The following TIMELESS variants were observed in gnomAD, a reference collection of about 807,000 sequenced individuals.
TIMELESS encodes protein timeless homolog.
Under a neutral mutation model 164.3 loss-of-function variants are expected in TIMELESS, and 124 were observed. The observed-to-expected ratio is 0.75, with a 90% CI of 0.65 to 0.88. The LOEUF (loss-of-function observed/expected upper bound fraction) is 0.88. Among genes scored for constraint, TIMELESS ranks in the 40% least tolerant of loss-of-function variants. The pLI is 0.00. For synonymous variants in TIMELESS, 564 were observed against 563.4 expected (o/e 1.00, Z -0.02); for missense variants, 1,422 against 1,491.4 (o/e 0.95, Z 0.77).
intron 13 of TIMELESS, 76 bp downstream of exon 13, chr12:56,428,160 A>G: frequency 7.0e-7 from 1 of 1,421,964 alleles, no homozygotes; most frequent in Non-Finnish European, 9.5e-7. Context: ...TAAGCTGTAC[A>G]AACTGTGAGA....
chr12:56,421,380 G>A lies in TIMELESS; in HGVS notation c.2839C>T (p.Arg947Trp), dbSNP rs781050287. The A allele has an allele frequency of 4.5e-5, 72 of 1,613,646 alleles. No homozygotes were observed. Among genetic ancestry groups the A allele is most frequent in the Admixed American group, 2.0e-4 (12 of 59,908 alleles). ...ATGGAGGATGCCAACTTTTTCTGCC[G>A]TTTCTTGTACAGCTCCCGCCGCTCA... ...VAERRELYKK[R>W]QKKLASSILP... Residue 947 changes from arginine (R) to tryptophan (W), a missense_variant, in exon 23 of 29, where the codon CGG (arginine) becomes TGG (tryptophan). By Grantham distance (101) the Arg-to-Trp change is moderately radical. Transcript: ENST00000553532.
At chr12:56,432,622 C>T (rs1162791989) in intron 6 of TIMELESS, 98 bp from the exon 7 acceptor site, 4 of 1,501,634 alleles carry the variant, frequency 2.7e-6, no homozygotes, top group Non-Finnish European at 3.6e-6. Flanking sequence ...CCTCCTCTCC[C>T]AGACTTGTCA....
chr12:56,420,563 A>G lies in TIMELESS; in HGVS notation c.3228+6T>C, dbSNP rs1375003503. ...CCTTGGTTGACACTGTAACTGACAT[A>G]TTTACCTGCCCAGAGGCAGGGGGCC... On this transcript the variant is annotated splice_donor_region_variant and intron_variant, in intron 26 of 28. Transcript: ENST00000553532. The G allele has an allele frequency of 1.2e-6, 2 of 1,613,310 alleles. No individual in the cohort carries two copies. Among genetic ancestry groups the G allele is most frequent in the African/African-American group, 2.7e-5 (2 of 74,884 alleles).
intron 25 of TIMELESS, 50 bp from the exon 26 acceptor site, chr12:56,420,737 T>C (rs199945217): frequency 1.2e-6 from 2 of 1,613,380 alleles, no homozygotes; most frequent in Non-Finnish European, 1.7e-6. Flanking sequence ...GAAGAACTGG[T>C]TCTCCATCCC....
At chr12:56,436,988 T>C (rs1882094154) in intron 1 of TIMELESS, among the ~76,000 whole-genome samples, 1 of 151,874 alleles carries the variant, frequency 6.6e-6, no homozygotes, top group African/African-American at 2.4e-5. Flanking sequence ...TGGAGTGTAG[T>C]GGCGTGATCT....
Position 56,423,181 on chromosome 12 carries a change from A to C in TIMELESS, c.2292+93T>G. On this transcript the variant is annotated intron_variant, in intron 18 of 28. Transcript: ENST00000553532. Reference sequence around the variant, plus strand: ...TTGTTTTCCCATCTCCCAGCCCTTGACACCTCTCAGCACCTTCTATCTCCT... The same window carrying C: ...TTGTTTTCCCATCTCCCAGCCCTTGCCACCTCTCAGCACCTTCTATCTCCT... The C allele has an allele frequency of 2.7e-6, 4 of 1,494,216 alleles. No homozygotes were observed. In the Admixed American group the frequency reaches 8.0e-5, roughly 30 times the overall value. 92.6% of individuals were successfully genotyped at this position (1,494,216 alleles called of 1,614,324 possible). A position where few individuals can be genotyped will look rare whatever the true frequency, so the allele number is the denominator to read the frequency against.
chr12:56,439,167 C>CAAAAAAAAAAAAAAAAAAAAAAA lies in TIMELESS; in HGVS notation c.-61-4959_-61-4937dup, dbSNP rs57127557. ...GGCACCAAGAGTGAAAACTCCTTCT[C>CAAAAAAAAAAAAAAAAAAAAAAA]AAAAAAAAAAAAAAAAAAAAAAAAA... is the stretch of plus-strand genomic sequence containing the variant. On this transcript the variant is annotated intron_variant, in intron 1 of 28. Coordinates refer to ENST00000553532, the MANE Select transcript of TIMELESS (RefSeq NM_003920.5). Among the ~76,000 whole-genome samples, 2 of 85,640 alleles carry CAAAAAAAAAAAAAAAAAAAAAAA rather than the reference C, an allele frequency of 2.3e-5. 1 individual carries two copies. The highest frequency in any genetic ancestry group is 4.4e-5 in the Non-Finnish European group (2 of 45,510). The allele number at this position is 85,640 out of a possible 152,430, so 56.2% of individuals were successfully genotyped here.
chr12:56,423,591 G>A lies in TIMELESS; in HGVS notation c.2083C>T (p.Leu695=). ...SEKEFNFLDY[L]KRFACSTVVR... ...AGGCCTCTCAGCCCGCACCGTTTCA[G>A]GTAGTCCAGAAAATTAAATTCTTTC... Residue 695 remains leucine, a synonymous_variant, in exon 17 of 29, where the codon CTG becomes TTG. Coordinates refer to ENST00000553532, the MANE Select transcript of TIMELESS (RefSeq NM_003920.5). 1 of 1,614,086 alleles carries A rather than the reference G, an allele frequency of 6.2e-7. No homozygotes were observed. Among genetic ancestry groups the A allele is most frequent in the Non-Finnish European group, 8.5e-7 (1 of 1,180,000 alleles).
At chr12:56,437,981 C>G (rs1882124927) in intron 1 of TIMELESS, among the ~76,000 whole-genome samples, 1 of 152,130 alleles carries the variant, frequency 6.6e-6, no homozygotes, top group Admixed American at 6.5e-5. Flanking sequence ...TAATGCTGAT[C>G]TCATTTTGCA....
intron 15 of TIMELESS, 22 bp downstream of exon 15, chr12:56,424,740 G>A (rs1009536799): frequency 1.9e-6 from 3 of 1,610,266 alleles, no homozygotes; most frequent in Non-Finnish European, 2.5e-6. Flanking sequence ...AGCCCAAGAG[G>A]ATGAGCAGGC....
chr12:56,432,592 C>T, intron 6 of TIMELESS, 68 bp from the exon 7 acceptor site: 1 of 1,564,274 alleles, frequency 6.4e-7, no homozygotes, highest in South Asian at 1.2e-5. Flanking sequence ...TGAAGCTCTC[C>T]AACTCATTCT....
chr12:56,423,086 G>T, intron 18 of TIMELESS, 94 bp from the exon 19 acceptor site: 2 of 1,466,212 alleles, frequency 1.4e-6, no homozygotes, highest in Non-Finnish European at 9.2e-7. Context: ...GTTCCCAGCT[G>T]CCCCCTCCTC....
rs760987276 is a variant in TIMELESS, at chr12:56,420,552, G to A, written c.3228+17C>T. On this transcript the variant is annotated intron_variant, in intron 26 of 28. Transcript: ENST00000553532. Reference sequence around the variant, plus strand: ...GGACTAACACGCCTTGGTTGACACTGTAACTGACATATTTACCTGCCCAGA... The same window carrying A: ...GGACTAACACGCCTTGGTTGACACTATAACTGACATATTTACCTGCCCAGA... The A allele has an allele frequency of 1.9e-6, 3 of 1,608,918 alleles. No individual in the cohort carries two copies. In the South Asian group the frequency reaches 3.3e-5, roughly 18 times the overall value.
At chr12:56,437,193 T>C (rs1038527534) in intron 1 of TIMELESS, among the ~76,000 whole-genome samples, 1 of 152,144 alleles carries the variant, frequency 6.6e-6, no homozygotes, top group African/African-American at 2.4e-5. Context: ...CCTCCCAAAG[T>C]GCTGGGATTA....
chr12:56,422,926 C>T lies in TIMELESS; in HGVS notation c.2359G>A (p.Ala787Thr). 6.2e-7 allele frequency: 1 copy of T among 1,613,846 alleles called. No individual in the cohort carries two copies. The highest frequency in any genetic ancestry group is 1.7e-4 in the Middle Eastern group (1 of 5,888). Residue 787 changes from alanine to threonine, a missense_variant, in exon 19 of 29, where the codon GCC becomes ACC. Transcript: ENST00000553532. Reference protein sequence around the residue: ...FFALAAVNQKAFVELLFWKNT... With the variant: ...FFALAAVNQKTFVELLFWKNT... ...TTCCAGAACAACAGCTCCACAAAGGCTTTTTGGTTGACTGCAGCCAGTGCA... is the reference window on the plus strand; with the variant it reads ...TTCCAGAACAACAGCTCCACAAAGGTTTTTTGGTTGACTGCAGCCAGTGCA...
Position 56,423,509 on chromosome 12 carries a change from A to C in TIMELESS, c.2091-34T>G, listed in dbSNP as rs72478995. ...AAACAAGGAGGGAGAGGATGTCAGC[A>C]TAAGGAAGACATAGCTCATCCTCAC... On this transcript the variant is annotated intron_variant, in intron 17 of 28. Coordinates refer to ENST00000553532, the MANE Select transcript of TIMELESS (RefSeq NM_003920.5). 26 of 1,613,424 alleles carry C rather than the reference A, an allele frequency of 1.6e-5. No individual in the cohort carries two copies. In the African/African-American group the frequency reaches 2.7e-4, roughly 17 times the overall value.
At position 56,418,195 on chromosome 12, in the gene TIMELESS, T is replaced by C. The variant is rs370797484; in HGVS notation, c.3393A>G (p.Ala1131=). The C allele has an allele frequency of 1.4e-4, 220 of 1,614,122 alleles. No homozygotes were observed. Among genetic ancestry groups the C allele is most frequent in the Non-Finnish European group, 1.8e-4 (209 of 1,180,048 alleles). ...SDEEHCKEHR[A]QALRALLLAH... ...CTAGCAAGAGGGCCCTCAGGGCTTG[T>C]GCTCGGTGCTCTTTACAGTGCTCCT... The change falls in exon 27 of 29, where the codon GCA becomes GCG. Residue 1131 remains alanine (A), a synonymous_variant. Coordinates refer to ENST00000553532, the MANE Select transcript of TIMELESS (RefSeq NM_003920.5).
intron 5 of TIMELESS, 127 bp from the exon 6 acceptor site, chr12:56,433,254 G>A: frequency 7.3e-7 from 1 of 1,374,338 alleles, no homozygotes; most frequent in Non-Finnish European, 1.0e-6. Context: ...TACTGAGGCA[G>A]CCAGAGACTA....
At chr12:56,427,509 A>C (rs1479464453) in intron 13 of TIMELESS, among the ~76,000 whole-genome samples, 1 of 152,216 alleles carries the variant, frequency 6.6e-6, no homozygotes, top group Non-Finnish European at 1.5e-5. Flanking sequence ...CGACACGACC[A>C]GCTTGAGCTT....
Sources: gnomAD v4.1 joint callset for allele counts (sites outside exome capture counted in the v4.1 genomes callset) on GRCh38, gnomAD v4.1.1 for gene constraint, MANE v1.5 for transcripts, NCBI Gene and HGNC (gene_info 2026-07-23, HGNC 2026-07-21) for gene names.